Variants in STX7 observed in about 807,000 individuals in gnomAD.
STX7 encodes syntaxin 7, also known as syntaxin-7.
Under a neutral mutation model 39.6 loss-of-function variants are expected in STX7, and 34 were observed. The ratio of observed to expected loss-of-function variants is 0.86; its 90% CI spans 0.65 to 1.14. The LOEUF is 1.14. Ranked by LOEUF, STX7 falls within the 50% of genes most tolerant of loss-of-function variation. The probability of loss-of-function intolerance (pLI) is 0.00; values close to 1 mark genes in which losing one functional copy is unlikely to be tolerated. For synonymous variants in STX7, 119 were observed against 99.1 expected, an observed-to-expected ratio of 1.20 and a Z score of -1.19; for missense variants, 284 against 310.4, an observed-to-expected ratio of 0.92 and a Z score of 0.64.
chr6:132,491,722 C>G (rs1775294592), intron 2 of STX7, among the ~76,000 whole-genome samples: 1 of 152,128 alleles, frequency 6.6e-6, no homozygotes, highest in Non-Finnish European at 1.5e-5. Context: ...CATCAAACAC[C>G]TTCTCATTAC....
rs1774213092 is a variant in STX7 at position 132,454,938 on chromosome 6, T to C, written c.*5820A>G. 6.6e-6 allele frequency: 1 copy of C among 152,186 alleles called. No homozygotes were observed. Among genetic ancestry groups the C allele is most frequent in the South Asian group, 2.1e-4 (1 of 4,834 alleles). The allele number at this position is 152,186 out of a possible 1,614,324, so 9.4% of individuals were successfully genotyped here. A position where few individuals can be genotyped will look rare whatever the true frequency, so the allele number is the denominator to read the frequency against. ...ATGATAACCTTTATGAGGCTGAACATTAAATCTGGCCCTGGGAAGAGGTTG... is the reference window on the plus strand; with the variant it reads ...ATGATAACCTTTATGAGGCTGAACACTAAATCTGGCCCTGGGAAGAGGTTG... On this transcript the variant is annotated 3_prime_UTR_variant, in exon 10 of 10. Transcript: ENST00000367941.
chr6:132,484,525 C>A (rs114604931), intron 2 of STX7, among the ~76,000 whole-genome samples: 2 of 152,250 alleles, frequency 1.3e-5, no homozygotes, highest in African/African-American at 4.8e-5. Flanking sequence ...CATGGCAGAT[C>A]AACCTAACAC....
In STX7 at chr6:132,447,838, G is replaced by A. The variant is rs1156647979; in HGVS notation, c.*12920C>T. On this transcript the variant is annotated 3_prime_UTR_variant, in exon 10 of 10. Coordinates refer to ENST00000367941, the MANE Select transcript of STX7 (RefSeq NM_003569.3). ...GGTAGACTTTTTTTTTTATTAATCT[G>A]GTGAGATAGGCAATTTATATTTATT... The A allele has an allele frequency of 1.3e-5, 2 of 151,396 alleles. No individual in the cohort carries two copies. Among genetic ancestry groups the A allele is most frequent in the African/African-American group, 4.9e-5 (2 of 41,222 alleles). The allele number at this position is 151,396 out of a possible 1,614,324, so 9.4% of individuals were successfully genotyped here. A position where few individuals can be genotyped will look rare whatever the true frequency, so the allele number is the denominator to read the frequency against.
chr6:132,495,939 G>A (rs533022063), intron 2 of STX7, among the ~76,000 whole-genome samples: 17 of 152,260 alleles, frequency 1.1e-4, no homozygotes, highest in Non-Finnish European at 2.1e-4. Context: ...TTAAACTAAA[G>A]TCTATGCTGA....
chr6:132,491,072 T>G (rs1032463942), intron 2 of STX7, among the ~76,000 whole-genome samples: 3 of 150,536 alleles, frequency 2.0e-5, no homozygotes, highest in African/African-American at 4.9e-5. Flanking sequence ...TCCCTCTCCC[T>G]CCACAGGAAT....
At chr6:132,466,514 A>G (rs150149446) in intron 8 of STX7, among the ~76,000 whole-genome samples, 1 of 152,304 alleles carries the variant, frequency 6.6e-6, no homozygotes, top group Non-Finnish European at 1.5e-5. Flanking sequence ...CCATACATAA[A>G]TGAATACATG....
chr6:132,488,271 A>C (rs754475712), intron 2 of STX7, among the ~76,000 whole-genome samples: 3 of 152,162 alleles, frequency 2.0e-5, no homozygotes, highest in Admixed American at 6.5e-5. Context: ...GAATCTTTTA[A>C]AGTTTGTTGA....
intron 1 of STX7, among the ~76,000 whole-genome samples, chr6:132,509,808 A>G (rs1775803435): frequency 6.6e-6 from 1 of 152,204 alleles, no homozygotes; most frequent in Admixed American, 6.5e-5. Flanking sequence ...ATAGGTAACT[A>G]CAAATTGATT....
chr6:132,498,248 T>C (rs1775464903), intron 2 of STX7, among the ~76,000 whole-genome samples: 1 of 152,050 alleles, frequency 6.6e-6, no homozygotes, highest in South Asian at 2.1e-4. Context: ...ATTAAATTTC[T>C]AATTTATTTT....
intron 9 of STX7, chr6:132,461,880 T>A (rs1774415686): frequency 7.8e-6 from 12 of 1,537,554 alleles, no homozygotes; most frequent in Non-Finnish European, 1.1e-5. Context: ...TAGAAAAATT[T>A]GTAAATTTAC....
chr6:132,508,973 A>C (rs1775773292), intron 1 of STX7, among the ~76,000 whole-genome samples: 1 of 152,210 alleles, frequency 6.6e-6, no homozygotes, highest in South Asian at 2.1e-4. Context: ...AATTCTTATA[A>C]GCCTATCATG....
intron 2 of STX7, among the ~76,000 whole-genome samples, chr6:132,502,083 C>T (rs1225869107): frequency 6.6e-6 from 1 of 152,114 alleles, no homozygotes; most frequent in Non-Finnish European, 1.5e-5. Flanking sequence ...GTAAAAAACC[C>T]AGAAATCACC....
At position 132,459,935 on chromosome 6, in the gene STX7, T is replaced by C. The variant is rs914432418; in HGVS notation, c.*823A>G. The C allele has an allele frequency of 1.3e-5, 2 of 152,166 alleles. No homozygotes were observed. The highest frequency in any genetic ancestry group is 4.8e-5 in the African/African-American group (2 of 41,436). The allele number at this position is 152,166 out of a possible 1,614,324, so 9.4% of individuals were successfully genotyped here. ...GTAAATAATGGCCCACAAAACCAGA[T>C]GATATGGTTAAGATAACTAGTTTAG... On this transcript the variant is annotated 3_prime_UTR_variant, in exon 10 of 10. Coordinates refer to ENST00000367941, the MANE Select transcript of STX7 (RefSeq NM_003569.3).
intron 7 of STX7, among the ~76,000 whole-genome samples, chr6:132,469,289 C>G (rs1209131541): frequency 6.6e-6 from 1 of 152,076 alleles, no homozygotes; most frequent in African/African-American, 2.4e-5. Context: ...CTTACTCATG[C>G]AGGTATGATG....
chr6:132,484,098 G>A (rs1379863927), intron 2 of STX7, among the ~76,000 whole-genome samples: 1 of 152,170 alleles, frequency 6.6e-6, no homozygotes, highest in Non-Finnish European at 1.5e-5. Flanking sequence ...AAATCAACAT[G>A]TGTCTCTACG....
rs1347746765 is a variant in STX7 at position 132,468,451 on chromosome 6, T to G, written c.562A>C (p.Ile188Leu). Residue 188 changes from isoleucine (I) to leucine (L), a missense_variant, in exon 8 of 10, where the codon ATA (isoleucine) becomes CTA (leucine). Physicochemically the swap from Ile to Leu is conservative, Grantham distance 5 (BLOSUM62 2). Transcript: ENST00000367941. ...LEADIMDINEIFKDLGMMIHE... is the reference protein window; with the variant it reads ...LEADIMDINELFKDLGMMIHE... The stretch of plus-strand genomic sequence containing the variant: ...ATCATCATTCCCAAATCTTTAAATA[T>G]TTCATTAATATCCATAATATCAGCC... 8.7e-6 allele frequency: 14 copies of G among 1,605,492 alleles called. No homozygotes were observed. Among genetic ancestry groups the G allele is most frequent in the Non-Finnish European group, 1.2e-5 (14 of 1,174,262 alleles).
At chr6:132,506,337 C>T (rs916797331) in intron 1 of STX7, among the ~76,000 whole-genome samples, 1 of 151,980 alleles carries the variant, frequency 6.6e-6, no homozygotes, top group Non-Finnish European at 1.5e-5. Flanking sequence ...AGAAAAATAT[C>T]TGCAAACTAC....
rs117832465 is a variant in STX7 at position 132,485,565 on chromosome 6, T to A, written c.86-9903A>T. ...AACGGCTGGATAGTATGACAGGTGT[T>A]ACATTTAGCTTTCTTAAATCAGTCA... On this transcript the variant is annotated intron_variant, in intron 2 of 9. Coordinates refer to ENST00000367941, the MANE Select transcript of STX7 (RefSeq NM_003569.3). Among the ~76,000 whole-genome samples the A allele has an allele frequency of 6.6e-5, 10 of 152,328 alleles. No homozygotes were observed. The East Asian group carries it at 1.5e-3, about 24-fold the overall frequency.
At position 132,457,764 on chromosome 6, in the gene STX7, TC is replaced by T. The variant is rs1322144435; in HGVS notation, c.*2993del. On this transcript the variant is annotated 3_prime_UTR_variant, in exon 10 of 10. Coordinates refer to ENST00000367941, the MANE Select transcript of STX7 (RefSeq NM_003569.3). ...ACTTGAAAATGTCATTCAACTCAAA[TC>T]CCTCAATCAACTTACTTCAGCCCAT... 9.9e-5 allele frequency: 15 copies of T among 152,094 alleles called. No individual in the cohort carries two copies. The highest frequency in any genetic ancestry group is 2.2e-4 in the Non-Finnish European group (15 of 68,004). 9.4% of individuals were successfully genotyped at this position (152,094 alleles called of 1,614,324 possible). A position where few individuals can be genotyped will look rare whatever the true frequency, so the allele number is the denominator to read the frequency against.
Sources: gnomAD v4.1 joint callset for allele counts (sites outside exome capture counted in the v4.1 genomes callset) on GRCh38, gnomAD v4.1.1 for gene constraint, MANE v1.5 for transcripts, NCBI Gene and HGNC (gene_info 2026-07-23, HGNC 2026-07-21) for gene names.